Variants in CAMK4 observed in about 807,000 individuals in gnomAD.
CAMK4 encodes the protein calcium/calmodulin dependent protein kinase IV.
In CAMK4, 22 loss-of-function variants were observed where a neutral mutation model predicts 44.9. That is an observed-to-expected ratio of 0.49 (90% confidence interval 0.35 to 0.70). The LOEUF is 0.70. Among genes scored for constraint, CAMK4 ranks in the 30% least tolerant of loss-of-function variants. The probability of loss-of-function intolerance (pLI) is 0.01; values close to 1 mark genes in which losing one functional copy is unlikely to be tolerated. For synonymous variants in CAMK4, 218 were observed against 215.4 expected (o/e 1.01, Z -0.11); for missense variants, 498 against 586.8 (o/e 0.85, Z 1.56).
At chr5:111,272,670 CAACAAAG>C (rs1750566030) in intron 1 of CAMK4, among the ~76,000 whole-genome samples, 1 of 152,058 alleles carries the variant, frequency 6.6e-6, no homozygotes, top group Non-Finnish European at 1.5e-5. Flanking sequence ...TCAAGTATTT[CAACAAAG>C]TTGCAAAATG....
intron 2 of CAMK4, chr5:111,365,151 C>T (rs1324634291): frequency 6.6e-6 from 1 of 152,232 alleles, no homozygotes; most frequent in Non-Finnish European, 1.5e-5. Flanking sequence ...AGCAGTGAGC[C>T]GGTGTAAAAG....
At chr5:111,367,862 G>A (rs1319717837) in intron 2 of CAMK4, among the ~76,000 whole-genome samples, 3 of 152,088 alleles carry the variant, frequency 2.0e-5, no homozygotes, top group Non-Finnish European at 4.4e-5. Context: ...TGTCTCTGGA[G>A]AAGTACCATG....
intron 1 of CAMK4, among the ~76,000 whole-genome samples, chr5:111,280,056 A>ATAGT (rs1262379630): frequency 6.6e-6 from 1 of 152,212 alleles, no homozygotes; most frequent in Non-Finnish European, 1.5e-5. Context: ...TGTGTGTATT[A>ATAGT]TAGTTTGTAA....
intron 5 of CAMK4, among the ~76,000 whole-genome samples, chr5:111,443,860 C>T (rs1753935367): frequency 6.6e-6 from 1 of 152,160 alleles, no homozygotes; most frequent in South Asian, 2.1e-4. Context: ...CCAAACTATG[C>T]AATTCTTAGA....
At chr5:111,267,274 G>A (rs1246298687) in intron 1 of CAMK4, among the ~76,000 whole-genome samples, 5 of 152,140 alleles carry the variant, frequency 3.3e-5, no homozygotes, top group Non-Finnish European at 4.4e-5. Flanking sequence ...CCCTAGAGGT[G>A]CTTACTGTGA....
chr5:111,404,760 ATTG>A (rs1752354683), intron 5 of CAMK4, among the ~76,000 whole-genome samples: 1 of 152,188 alleles, frequency 6.6e-6, no homozygotes, highest in South Asian at 2.1e-4. Context: ...CAAGAACTCC[ATTG>A]TTAAGGTTTT....
chr5:111,398,837 G>A lies in CAMK4; in HGVS notation c.459+4055G>A, dbSNP rs77146047. Among the ~76,000 whole-genome samples, 557 of 152,094 alleles carry A rather than the reference G, an allele frequency of 3.7e-3. 5 individuals carry two copies. The highest frequency in any genetic ancestry group is 0.013 in the African/African-American group (528 of 41,470). On this transcript the variant is annotated intron_variant, in intron 5 of 10. Coordinates refer to ENST00000282356, the MANE Select transcript of CAMK4 (RefSeq NM_001744.6). ...TGCTAAAACCTAGAATTCACCTCAC[G>A]TCCAAATAATCCCAAATAATAATCA...
At chr5:111,275,053 T>G (rs1191297645) in intron 1 of CAMK4, among the ~76,000 whole-genome samples, 1 of 152,156 alleles carries the variant, frequency 6.6e-6, no homozygotes, top group Non-Finnish European at 1.5e-5. Flanking sequence ...TGTAATGTTA[T>G]GATACATGTA....
chr5:111,275,779 CTG>C (rs1561379512), intron 1 of CAMK4, among the ~76,000 whole-genome samples: 1 of 151,946 alleles, frequency 6.6e-6, no homozygotes, highest in African/African-American at 2.4e-5. Context: ...AAGAGAAAAA[CTG>C]TATTTTTTCC....
chr5:111,423,692 A>C (rs1232271290), intron 5 of CAMK4, among the ~76,000 whole-genome samples: 1 of 152,214 alleles, frequency 6.6e-6, no homozygotes, highest in African/African-American at 2.4e-5. Context: ...GATTCACAAC[A>C]TTTATTATAC....
rs1275149937 is a variant in CAMK4 at position 111,224,575 on chromosome 5, A to G, written c.92A>G (p.Asp31Gly). The G allele has an allele frequency of 1.9e-6, 3 of 1,612,184 alleles. No individual in the cohort carries two copies. The highest frequency in any genetic ancestry group is 2.5e-6 in the Non-Finnish European group (3 of 1,179,656). ...CCGGGGACCGCGAGCCTCGTCCCGG[A>G]TTACTGGATCGACGGCTCCAACAGG... The part of the protein sequence containing the change: ...AAPGTASLVP[D>G]YWIDGSNRDA... Residue 31 changes from aspartate to glycine, a missense_variant, in exon 1 of 11, where the codon GAT becomes GGT. Coordinates refer to ENST00000282356, the MANE Select transcript of CAMK4 (RefSeq NM_001744.6). This position sits in a 1 kb window ranked among gnomAD's most constrained non-coding sequence, Gnocchi z 5.7.
At chr5:111,265,576 G>T (rs569849129) in intron 1 of CAMK4, among the ~76,000 whole-genome samples, 1 of 152,232 alleles carries the variant, frequency 6.6e-6, no homozygotes, top group South Asian at 2.1e-4. Flanking sequence ...GCTTTATCCA[G>T]CAGGTACCAG....
At chr5:111,414,199 A>T (rs1752730267) in intron 5 of CAMK4, among the ~76,000 whole-genome samples, 1 of 152,312 alleles carries the variant, frequency 6.6e-6, no homozygotes, top group Non-Finnish European at 1.5e-5. Context: ...GTCTCCCCTG[A>T]AAACCCTTTG....
chr5:111,420,046 T>G (rs1418956183), intron 5 of CAMK4, among the ~76,000 whole-genome samples: 1 of 151,922 alleles, frequency 6.6e-6, no homozygotes, highest in East Asian at 1.9e-4. Flanking sequence ...TATGGCCATT[T>G]TCACGATATT....
At chr5:111,333,830 A>G (rs1334167117) in intron 1 of CAMK4, among the ~76,000 whole-genome samples, 1 of 151,602 alleles carries the variant, frequency 6.6e-6, no homozygotes, top group African/African-American at 2.4e-5. Flanking sequence ...AGTTGCCAAT[A>G]TAAGGTCTTG....
intron 1 of CAMK4, among the ~76,000 whole-genome samples, chr5:111,332,359 T>G (rs1041007144): frequency 2.6e-5 from 4 of 151,170 alleles, no homozygotes; most frequent in Non-Finnish European, 5.9e-5. Context: ...GATAGATTAC[T>G]GAGAATGATG....
At position 111,225,311 on chromosome 5, in the gene CAMK4, T is replaced by G. The variant is rs13155320; in HGVS notation, c.161+667T>G. Among the ~76,000 whole-genome samples the G allele has an allele frequency of 4.2e-3, 636 of 152,340 alleles. 3 individuals carry two copies. Among genetic ancestry groups the G allele is most frequent in the South Asian group, 8.3e-3 (40 of 4,826 alleles). On this transcript the variant is annotated intron_variant, in intron 1 of 10. Transcript: ENST00000282356. ...GGGCTGGAGTGATTTATTTAAATTA[T>G]ATATGCAACAGACCATCTCCCTAGG...
At chr5:111,257,944 T>C (rs974230713) in intron 1 of CAMK4, among the ~76,000 whole-genome samples, 1 of 152,024 alleles carries the variant, frequency 6.6e-6, no homozygotes, top group East Asian at 1.9e-4. Flanking sequence ...AGCTGAACAT[T>C]GAGAACACAT....
chr5:111,341,162 A>G (rs1466377907), intron 1 of CAMK4, among the ~76,000 whole-genome samples: 2 of 151,316 alleles, frequency 1.3e-5, no homozygotes, highest in African/African-American at 4.8e-5. Flanking sequence ...TGATTCATAA[A>G]TATTTTCTCC....
Sources: gnomAD v4.1 joint callset for allele counts (sites outside exome capture counted in the v4.1 genomes callset) on GRCh38, gnomAD v4.1.1 for gene constraint, Gnocchi (gnomAD v3.1) non-coding constraint, MANE v1.5 for transcripts, NCBI Gene and HGNC (gene_info 2026-07-23, HGNC 2026-07-21) for gene names.